Variants in CD200R1 observed in about 807,000 individuals in gnomAD.
CD200R1 encodes the protein cell surface glycoprotein CD200 receptor 1.
A neutral mutation model predicts 38.1 loss-of-function variants in CD200R1; 30 were observed. That is an observed-to-expected ratio of 0.79 (90% CI 0.59 to 1.07). The LOEUF is 1.07. Among genes scored for constraint, CD200R1 ranks in the 50% least tolerant of loss-of-function variants. CD200R1 has a pLI of 0.00. For synonymous variants in CD200R1, 128 were observed against 152.1 expected, an observed-to-expected ratio of 0.84 and a Z score of 1.16; for missense variants, 372 against 415.4, an observed-to-expected ratio of 0.90 and a Z score of 0.91.
At chr3:112,938,990 T>C (rs973238453) in intron 2 of CD200R1, among the ~76,000 whole-genome samples, 2 of 152,078 alleles carry the variant, frequency 1.3e-5, no homozygotes, top group South Asian at 4.1e-4. Context: ...TTGTGATACA[T>C]TGCATCAACA....
intron 2 of CD200R1, among the ~76,000 whole-genome samples, chr3:112,947,575 G>A (rs906222834): frequency 6.6e-6 from 1 of 152,136 alleles, no homozygotes; most frequent in African/African-American, 2.4e-5. Context: ...ATTAAGATCT[G>A]CTTATTAAAA....
intron 1 of CD200R1, among the ~76,000 whole-genome samples, chr3:112,968,893 T>C (rs1277368726): frequency 6.6e-6 from 1 of 152,096 alleles, no homozygotes; most frequent in Non-Finnish European, 1.5e-5. Flanking sequence ...ACAGAATCTG[T>C]GCAACATTCA....
At chr3:112,955,877 C>CA (rs1235828246) in intron 1 of CD200R1, among the ~76,000 whole-genome samples, 2 of 150,922 alleles carry the variant, frequency 1.3e-5, no homozygotes, top group African/African-American at 4.9e-5. Flanking sequence ...CTTCTAGGTA[C>CA]ATTTGAGCCC....
At chr3:112,954,924 A>C (rs775213989) in intron 1 of CD200R1, among the ~76,000 whole-genome samples, 1 of 152,208 alleles carries the variant, frequency 6.6e-6, no homozygotes, top group African/African-American at 2.4e-5. Flanking sequence ...AAGCACAGGA[A>C]AAATAACCTG....
intron 2 of CD200R1, among the ~76,000 whole-genome samples, chr3:112,935,575 G>A (rs1187113918): frequency 1.3e-5 from 2 of 152,196 alleles, no homozygotes; most frequent in East Asian, 3.9e-4. Context: ...AAGGGATACA[G>A]CAAAAGCAGC....
chr3:112,924,802 G>A (rs1940245061), intron 6 of CD200R1, among the ~76,000 whole-genome samples: 1 of 152,056 alleles, frequency 6.6e-6, no homozygotes, highest in African/African-American at 2.4e-5. Context: ...TTTGGTGCAT[G>A]AAGGAATTGT....
intron 1 of CD200R1, among the ~76,000 whole-genome samples, chr3:112,951,463 A>C (rs1027561126): frequency 5.3e-5 from 8 of 151,972 alleles, no homozygotes; most frequent in Non-Finnish European, 1.2e-4. Context: ...AAAATCAAGG[A>C]GAGAACACTA....
intron 2 of CD200R1, among the ~76,000 whole-genome samples, chr3:112,945,400 C>T (rs1940825502): frequency 6.6e-6 from 1 of 151,980 alleles, no homozygotes; most frequent in Non-Finnish European, 1.5e-5. Flanking sequence ...AAATAGAGAG[C>T]CCAGAAATAG....
chr3:112,947,968 A>C (rs1384760970), intron 1 of CD200R1, 44 bp from the exon 2 acceptor site: 3 of 1,183,288 alleles, frequency 2.5e-6, no homozygotes, highest in Non-Finnish European at 1.3e-6. Context: ...AGAAATATGC[A>C]TTAATAGATC....
intron 1 of CD200R1, among the ~76,000 whole-genome samples, chr3:112,956,109 A>G (rs1941091780): frequency 6.6e-6 from 1 of 151,860 alleles, no homozygotes; most frequent in African/African-American, 2.4e-5. Context: ...CTATCTATTT[A>G]TCTTTCTCTT....
In CD200R1 at chr3:112,921,759, C is replaced by A. The variant is rs1940175629; in HGVS notation, c.*1918G>T. On this transcript the variant is annotated 3_prime_UTR_variant, in exon 8 of 8. Coordinates refer to ENST00000308611, the MANE Select transcript of CD200R1 (RefSeq NM_138806.4). Reference sequence around the variant, plus strand: ...CAGCCCCATAGTAGAGATTTTCATACAATTATTTTCTGTACAATATAATTT... The same window carrying A: ...CAGCCCCATAGTAGAGATTTTCATAAAATTATTTTCTGTACAATATAATTT... 6.6e-6 allele frequency: 1 copy of A among 151,960 alleles called. No individual in the cohort carries two copies. The highest frequency in any genetic ancestry group is 1.5e-5 in the Non-Finnish European group (1 of 67,948). The allele number at this position is 151,960 out of a possible 1,614,324, so 9.4% of individuals were successfully genotyped here. A position where few individuals can be genotyped will look rare whatever the true frequency, so the allele number is the denominator to read the frequency against.
chr3:112,946,544 A>G (rs1940863674), intron 2 of CD200R1, among the ~76,000 whole-genome samples: 1 of 152,228 alleles, frequency 6.6e-6, no homozygotes, highest in East Asian at 1.9e-4. Context: ...TATATATGGA[A>G]AATGTACATA....
chr3:112,932,781 C>A lies in CD200R1; in HGVS notation c.137-1610G>T, dbSNP rs551129761. Among the ~76,000 whole-genome samples, 64 of 152,124 alleles carry A rather than the reference C, an allele frequency of 4.2e-4. 1 individual carries two copies. The highest frequency in any genetic ancestry group is 1.4e-3 in the African/African-American group (60 of 41,504). On this transcript the variant is annotated intron_variant, in intron 2 of 7. Coordinates refer to ENST00000308611, the MANE Select transcript of CD200R1 (RefSeq NM_138806.4). ...GCAGATCCACTCCCAGTGGACATCCCCCCCAGGCCAGCCCAGCAGTCACAT... is the reference window on the plus strand; with the variant it reads ...GCAGATCCACTCCCAGTGGACATCCACCCCAGGCCAGCCCAGCAGTCACAT...
intron 1 of CD200R1, among the ~76,000 whole-genome samples, chr3:112,966,508 T>C (rs1466189807): frequency 6.6e-6 from 1 of 152,192 alleles, no homozygotes; most frequent in African/African-American, 2.4e-5. Flanking sequence ...GGACATTTTT[T>C]TCAAGGAATT....
At chr3:112,966,930 C>T (rs1425653660) in intron 1 of CD200R1, among the ~76,000 whole-genome samples, 7 of 152,190 alleles carry the variant, frequency 4.6e-5, no homozygotes, top group African/African-American at 1.4e-4. Context: ...TCTACTCAAA[C>T]TGCAATTTTC....
intron 1 of CD200R1, among the ~76,000 whole-genome samples, chr3:112,958,942 A>C (rs1041663591): frequency 2.0e-5 from 3 of 152,074 alleles, no homozygotes; most frequent in Non-Finnish European, 4.4e-5. Context: ...ACATAAAAAC[A>C]GGCATGACCC....
At chr3:112,947,977 T>C in intron 1 of CD200R1, 53 bp from the exon 2 acceptor site, 1 of 1,047,882 alleles carries the variant, frequency 9.5e-7, no homozygotes, top group Non-Finnish European at 1.5e-6. Context: ...CATTAATAGA[T>C]CTGACTCCTA....
chr3:112,964,296 T>C (rs928961579), intron 1 of CD200R1, among the ~76,000 whole-genome samples: 1 of 152,146 alleles, frequency 6.6e-6, no homozygotes, highest in Non-Finnish European at 1.5e-5. Context: ...CCCAGAATGG[T>C]AGATCCATTG....
At chr3:112,972,508 T>C (rs1933334239) in intron 1 of CD200R1, among the ~76,000 whole-genome samples, 1 of 151,924 alleles carries the variant, frequency 6.6e-6, no homozygotes, top group African/African-American at 2.4e-5. Context: ...CAAAATATAA[T>C]TTGAACACAC....
Sources: allele counts gnomAD v4.1 joint callset (sites outside exome capture counted in the v4.1 genomes callset), GRCh38; gene constraint gnomAD v4.1.1; transcripts MANE v1.5; gene names NCBI Gene and HGNC (gene_info 2026-07-23, HGNC 2026-07-21).